Variants in DYNC1H1 observed in about 807,000 individuals in gnomAD.
DYNC1H1 encodes the protein cytoplasmic dynein 1 heavy chain 1.
A neutral mutation model predicts 527.1 loss-of-function variants in DYNC1H1; 51 were observed. That is an observed-to-expected ratio of 0.10 (90% CI 0.08 to 0.12). The LOEUF is 0.12. DYNC1H1 is among the 10% of genes least tolerant of loss of function. The pLI, the probability that DYNC1H1 is intolerant of heterozygous loss-of-function variation, is 1.00. For missense variants in DYNC1H1, 2,771 were observed against 5,971.8 expected (o/e 0.46, Z 17.66); for synonymous variants, 2,189 against 2,278.8 (o/e 0.96, Z 1.12).
At chr14:101,994,133 T>G (rs1230856955) in intron 11 of DYNC1H1, 51 bp from the exon 12 acceptor site, 3 of 1,613,846 alleles carry the variant, frequency 1.9e-6, no homozygotes, top group Non-Finnish European at 2.5e-6. Context: ...GACACTTAGA[T>G]TACCATTTTC....
At position 101,985,325 on chromosome 14, in the gene DYNC1H1, T is replaced by C. The variant is rs997549775; in HGVS notation, c.1462-362T>C. 3.9e-5 allele frequency among the ~76,000 whole-genome samples: 6 copies of C among 152,106 alleles called. No individual in the cohort carries two copies. The highest frequency in any genetic ancestry group is 2.6e-4 in the Admixed American group (4 of 15,254). The stretch of plus-strand genomic sequence containing the variant: ...TTTCTCTTCTGAATTTATCTTTCAT[T>C]CTTCTTTTTTGTTTTTTGAGATGGA... On this transcript the variant is annotated intron_variant, in intron 7 of 77. Transcript: ENST00000360184. The surrounding 1 kb of genome is among the most constrained non-coding windows in gnomAD (Gnocchi z 5.9).
chr14:102,034,465 G>T lies in DYNC1H1; in HGVS notation c.10754+13G>T. ...AACGATTCAATAGGTATGAGCTCGG[G>T]TGCCAAGGAGAGGCATGGGAGGAAT... On this transcript the variant is annotated intron_variant, in intron 56 of 77. Transcript: ENST00000360184. 6.2e-7 allele frequency: 1 copy of T among 1,612,482 alleles called. No homozygotes were observed. Among genetic ancestry groups the T allele is most frequent in the Non-Finnish European group, 8.5e-7 (1 of 1,180,044 alleles).
intron 7 of DYNC1H1, among the ~76,000 whole-genome samples, chr14:101,984,448 A>ATTTTTTTTTTTTTTTTTTTT (rs1224932045): frequency 1.1e-5 from 1 of 89,132 alleles, no homozygotes; most frequent in Non-Finnish European, 2.1e-5. Context: ...TATATATATT[A>ATTTTTTTTTTTTTTTTTTTT]TATTTTTTTT....
intron 1 of DYNC1H1, among the ~76,000 whole-genome samples, chr14:101,968,837 C>T (rs2047696705): frequency 6.6e-6 from 1 of 152,218 alleles, no homozygotes; most frequent in African/African-American, 2.4e-5. Flanking sequence ...GCCAGGATTA[C>T]AGGCGTGCGC....
rs755564157 is a variant in DYNC1H1 at position 102,018,432 on chromosome 14, C to T, written c.8178-19C>T. ...GGCGCTGTCAGGGAGGGGCGCTGAG[C>T]GGGGCTATCTGTGCACAGGTTCCTG... On this transcript the variant is annotated intron_variant, in intron 40 of 77. Coordinates refer to ENST00000360184, the MANE Select transcript of DYNC1H1 (RefSeq NM_001376.5). This position sits in a 1 kb window ranked among gnomAD's most constrained non-coding sequence, Gnocchi z 5.2. The T allele has an allele frequency of 3.5e-5, 57 of 1,611,528 alleles. No homozygotes were observed. Among genetic ancestry groups the T allele is most frequent in the South Asian group, 2.7e-4 (25 of 90,958 alleles).
rs898269266 is a variant in DYNC1H1 at position 102,020,606 on chromosome 14, A to G, written c.8507+550A>G. Among the ~76,000 whole-genome samples the G allele has an allele frequency of 6.6e-6, 1 of 152,198 alleles. No homozygotes were observed. Among genetic ancestry groups the G allele is most frequent in the Non-Finnish European group, 1.5e-5 (1 of 68,040 alleles). On this transcript the variant is annotated intron_variant, in intron 42 of 77. Coordinates refer to ENST00000360184, the MANE Select transcript of DYNC1H1 (RefSeq NM_001376.5). This position sits in a 1 kb window ranked among gnomAD's most constrained non-coding sequence, Gnocchi z 4.3. ...TGGTTTTCTCTTTTACCTGTTGCCC[A>G]CTTGGATCAATTCTTGTCTTGTAAG...
intron 56 of DYNC1H1, 124 bp downstream of exon 56, chr14:102,034,576 C>G (rs2048549173): frequency 6.7e-7 from 1 of 1,493,502 alleles, no homozygotes. Context: ...ACAGTGCTGG[C>G]AGCTTGGTGC....
intron 2 of DYNC1H1, among the ~76,000 whole-genome samples, chr14:101,977,768 T>C (rs940475850): frequency 7.9e-5 from 12 of 152,352 alleles, no homozygotes; most frequent in African/African-American, 2.9e-4. Context: ...ACTGTTGGGT[T>C]TGCCTGATGT....
At position 101,966,433 on chromosome 14, in the gene DYNC1H1, CT is replaced by C. The variant is rs906261975; in HGVS notation, c.256+1496del. On this transcript the variant is annotated intron_variant, in intron 1 of 77. Coordinates refer to ENST00000360184, the MANE Select transcript of DYNC1H1 (RefSeq NM_001376.5). The stretch of plus-strand genomic sequence containing the variant: ...GTTAAAAAAAAAAAATTTATCTACT[CT>C]TTTTTTTTTCCAAAAAACATATAGT... Among the ~76,000 whole-genome samples, 13 of 148,140 alleles carry C rather than the reference CT, an allele frequency of 8.8e-5. 1 individual carries two copies. The South Asian group carries it at 1.3e-3, about 15-fold the overall frequency.
At chr14:102,000,794 G>C in intron 18 of DYNC1H1, 160 bp from the exon 19 acceptor site, 1 of 684,686 alleles carries the variant, frequency 1.5e-6, no homozygotes, top group South Asian at 1.5e-5. Context: ...GGCTGGTCTC[G>C]AACTCCCGAC....
chr14:102,027,651 C>T lies in DYNC1H1; in HGVS notation c.9081C>T (p.Ala3027=), dbSNP rs1347326920. 11 of 1,614,040 alleles carry T rather than the reference C, an allele frequency of 6.8e-6. No homozygotes were observed. Among genetic ancestry groups the T allele is most frequent in the Non-Finnish European group, 9.3e-6 (11 of 1,180,030 alleles). Residue 3027 remains alanine (A), a synonymous_variant, in exon 47 of 78, where the codon GCC becomes GCT. Transcript: ENST00000360184. The surrounding 1 kb of genome is among the most constrained non-coding windows in gnomAD (Gnocchi z 7.7). The stretch of plus-strand genomic sequence containing the variant: ...GTCTCTTTGAAGGAGACGAGTATGC[C>T]ACCTTGATGACGCAGTGCAAAGAGG... ...VPGLFEGDEY[A]TLMTQCKEGA... is the part of the protein sequence containing the mutation.
intron 72 of DYNC1H1, among the ~76,000 whole-genome samples, chr14:102,047,177 C>T (rs1046316768): frequency 6.6e-6 from 1 of 152,134 alleles, no homozygotes; most frequent in African/African-American, 2.4e-5. Context: ...GACCTGGTAA[C>T]AATTCTTATT....
intron 7 of DYNC1H1, among the ~76,000 whole-genome samples, chr14:101,984,699 G>A (rs1281333276): frequency 2.0e-5 from 3 of 150,846 alleles, no homozygotes; most frequent in Admixed American, 1.3e-4. Flanking sequence ...TTGGGATGCC[G>A]AGGCAGGCGG....
intron 7 of DYNC1H1, among the ~76,000 whole-genome samples, chr14:101,984,088 T>C: frequency 6.6e-6 from 1 of 151,976 alleles, no homozygotes; most frequent in East Asian, 1.9e-4. Context: ...CTACCTCAGC[T>C]TCCTGAGTAG....
chr14:102,022,987 G>C, intron 43 of DYNC1H1, 107 bp downstream of exon 43: 1 of 1,545,370 alleles, frequency 6.5e-7, no homozygotes, highest in South Asian at 1.2e-5. Context: ...TTTAGGCTGG[G>C]TATGGTGTCT....
Position 102,028,009 on chromosome 14 carries a change from G to A in DYNC1H1, c.9336G>A (p.Lys3112=). 1 of 1,614,196 alleles carries A rather than the reference G, an allele frequency of 6.2e-7. No individual in the cohort carries two copies. Among genetic ancestry groups the A allele is most frequent in the Non-Finnish European group, 8.5e-7 (1 of 1,180,044 alleles). The change falls in exon 48 of 78, where the codon AAG becomes AAA. Residue 3112 remains lysine (K), a synonymous_variant. Transcript: ENST00000360184. The part of the protein sequence containing the change: ...LYQVGKEFTS[K]MDLEKPNYIV... ...AGGTTGGCAAAGAATTCACAAGTAA[G>A]ATGGATCTGGAGAAGCCAAATTACA...
chr14:102,008,415 G>C, intron 29 of DYNC1H1, 78 bp downstream of exon 29: 1 of 1,553,064 alleles, frequency 6.4e-7, no homozygotes, highest in South Asian at 1.2e-5. Flanking sequence ...CTACCTCTTG[G>C]ATTAGAAATA....
chr14:101,988,586 G>C (rs2047961816), intron 9 of DYNC1H1, 117 bp from the exon 10 acceptor site: 16 of 1,316,234 alleles, frequency 1.2e-5, no homozygotes, highest in Non-Finnish European at 1.5e-5. Flanking sequence ...AGATATGAAG[G>C]CTTCTAGTCC....
intron 42 of DYNC1H1, 80 bp from the exon 43 acceptor site, chr14:102,022,671 G>A: frequency 1.2e-6 from 2 of 1,603,256 alleles, no homozygotes; most frequent in South Asian, 1.1e-5. Context: ...AGAGCCCACA[G>A]CACCCACAAA....
Sources: gnomAD v4.1 joint callset for allele counts (sites outside exome capture counted in the v4.1 genomes callset) on GRCh38, gnomAD v4.1.1 for gene constraint, Gnocchi (gnomAD v3.1) non-coding constraint, MANE v1.5 for transcripts, NCBI Gene and HGNC (gene_info 2026-07-23, HGNC 2026-07-21) for gene names.